The following TRIP12 variants were observed in gnomAD, a reference collection of about 807,000 sequenced individuals.
The protein encoded by TRIP12 is thyroid hormone receptor interactor 12.
A neutral mutation model predicts 244.2 loss-of-function variants in TRIP12; 25 were observed. The observed-to-expected ratio is 0.10, with a 90% confidence interval of 0.07 to 0.14. The LOEUF (loss-of-function observed/expected upper bound fraction) is 0.14. Among genes scored for constraint, TRIP12 ranks in the 10% least tolerant of loss-of-function variants. The pLI, the probability that TRIP12 is intolerant of heterozygous loss-of-function variation, is 1.00. For missense variants in TRIP12, 1,677 were observed against 2,486.4 expected (o/e 0.67, Z 6.92); for synonymous variants, 905 against 873.1 (o/e 1.04, Z -0.64).
intron 2 of TRIP12, among the ~76,000 whole-genome samples, chr2:229,872,598 G>A (rs2062863027): frequency 6.6e-6 from 1 of 152,010 alleles, no homozygotes; most frequent in Non-Finnish European, 1.5e-5. Context: ...CTATGAAACA[G>A]TTAATGAAGA....
At chr2:229,898,703 T>A (rs1262255200) in intron 1 of TRIP12, among the ~76,000 whole-genome samples, 4 of 152,360 alleles carry the variant, frequency 2.6e-5, no homozygotes, top group Non-Finnish European at 4.4e-5. Flanking sequence ...TGTTTAAATT[T>A]TTTTTTAAAG....
intron 5 of TRIP12, 79 bp downstream of exon 5, chr2:229,840,743 A>G: frequency 2.1e-6 from 2 of 969,192 alleles, no homozygotes; most frequent in South Asian, 1.7e-5. Context: ...CAACCTATGG[A>G]GTTAAGTATT....
At chr2:229,880,226 A>G in intron 1 of TRIP12, 98 bp from the exon 2 acceptor site, 3 of 735,682 alleles carry the variant, frequency 4.1e-6, no homozygotes, top group Non-Finnish European at 6.6e-6. Flanking sequence ...ATTTTCTGCA[A>G]ACTATCTGAT....
Position 229,793,408 on chromosome 2 carries a change from C to T in TRIP12, c.3969-263G>A, listed in dbSNP as rs148687015. 398 of 244,490 alleles carry T rather than the reference C, an allele frequency of 1.6e-3. 1 individual carries two copies. The highest frequency in any genetic ancestry group is 7.9e-3 in the African/African-American group (357 of 45,042). The allele number at this position is 244,490 out of a possible 1,614,324, so 15.1% of individuals were successfully genotyped here. ...TTTGATCTCTGTCCCATCATAAATC[C>T]ATGGGAGCAGAAATACTTCACCCAT... On this transcript the variant is annotated intron_variant, in intron 26 of 41. Coordinates refer to ENST00000675903, the MANE Select transcript of TRIP12 (RefSeq NM_001348323.3).
chr2:229,777,187 T>C, intron 37 of TRIP12, 128 bp downstream of exon 37: 2 of 1,082,494 alleles, frequency 1.8e-6, no homozygotes, highest in East Asian at 2.6e-5. Flanking sequence ...GTTAGTACAA[T>C]AAAAGAATTA....
intron 16 of TRIP12, 54 bp from the exon 17 acceptor site, chr2:229,807,918 T>A: frequency 6.6e-7 from 1 of 1,519,442 alleles, no homozygotes; most frequent in Non-Finnish European, 8.9e-7. Context: ...TTAGTAAACG[T>A]TAGGTCTCTA....
intron 1 of TRIP12, among the ~76,000 whole-genome samples, chr2:229,906,035 T>C (rs867146726): frequency 6.6e-6 from 1 of 152,242 alleles, no homozygotes; most frequent in African/African-American, 2.4e-5. Flanking sequence ...CCAGGCGCAG[T>C]GGCTCACGCC....
At chr2:229,909,129 C>T (rs1275156369) in intron 1 of TRIP12, among the ~76,000 whole-genome samples, 1 of 150,266 alleles carries the variant, frequency 6.7e-6, no homozygotes, top group Non-Finnish European at 1.5e-5. Flanking sequence ...TTAGTTTTGT[C>T]CAAGTTTACC....
At chr2:229,794,395 C>T (rs924357783) in intron 26 of TRIP12, among the ~76,000 whole-genome samples, 4 of 151,874 alleles carry the variant, frequency 2.6e-5, no homozygotes, top group South Asian at 2.1e-4. Flanking sequence ...AGTGAGACCC[C>T]GTCTCTACAA....
chr2:229,791,017 C>A (rs722268), intron 30 of TRIP12, 107 bp downstream of exon 30: 1 of 1,395,652 alleles, frequency 7.2e-7, no homozygotes, highest in Non-Finnish European at 9.9e-7. Context: ...TATTTCTCAA[C>A]TATATTCAAA....
chr2:229,818,711 T>C (rs1448686881), intron 8 of TRIP12, among the ~76,000 whole-genome samples, 199 bp from the exon 9 acceptor site: 1 of 152,194 alleles, frequency 6.6e-6, no homozygotes, highest in African/African-American at 2.4e-5. Flanking sequence ...CTTAACATGC[T>C]TTCACAGTTA....
chr2:229,804,868 CTT>C (rs1199109076), intron 18 of TRIP12, among the ~76,000 whole-genome samples: 2 of 151,858 alleles, frequency 1.3e-5, no homozygotes, highest in African/African-American at 2.4e-5. Flanking sequence ...ACCTGCAACA[CTT>C]ATATTATTTA....
intron 17 of TRIP12, chr2:229,807,417 C>T (rs1269404215): frequency 9.5e-5 from 36 of 380,944 alleles, no homozygotes; most frequent in South Asian, 9.1e-4. Context: ...TAGAAACCTA[C>T]GGCCTAAGTC....
At chr2:229,843,105 CCT>C (rs2056862185) in intron 4 of TRIP12, among the ~76,000 whole-genome samples, 2 of 142,866 alleles carry the variant, frequency 1.4e-5, no homozygotes, top group African/African-American at 5.2e-5. Context: ...TCTCTCCCTC[CCT>C]CTCTCCCCAC....
chr2:229,830,990 C>A, intron 6 of TRIP12, 151 bp from the exon 7 acceptor site: 1 of 691,004 alleles, frequency 1.4e-6, no homozygotes. Flanking sequence ...TTCTTCTAGA[C>A]TTTATCCTGT....
At position 229,795,098 on chromosome 2, in the gene TRIP12, C is replaced by G. The variant is rs554043509; in HGVS notation, c.3968+81G>C. On this transcript the variant is annotated intron_variant, in intron 26 of 41. Coordinates refer to ENST00000675903, the MANE Select transcript of TRIP12 (RefSeq NM_001348323.3). ...GTTTTCTGGGCCAATCAAGACTTTA[C>G]CAGACCTCTTGCCATCTTACTTCAG... 5.9e-5 allele frequency: 89 copies of G among 1,515,164 alleles called. No individual in the cohort carries two copies. In the East Asian group the frequency reaches 2.0e-3, roughly 35 times the overall value. The allele number at this position is 1,515,164 out of a possible 1,614,324, so 93.9% of individuals were successfully genotyped here.
At chr2:229,784,785 T>C (rs918366248) in intron 34 of TRIP12, among the ~76,000 whole-genome samples, 2 of 152,226 alleles carry the variant, frequency 1.3e-5, no homozygotes, top group Admixed American at 6.5e-5. Context: ...GTTGTGAGTA[T>C]GAGAAGCAAT....
chr2:229,817,261 A>G lies in TRIP12; in HGVS notation c.1599+1103T>C, dbSNP rs147301029. On this transcript the variant is annotated intron_variant, in intron 9 of 41. Transcript: ENST00000675903. ...TACTGGATATACAAAAAAGATTTAC[A>G]TGGCATTTAACTGTAATTTCCAAAA... 2.1e-3 allele frequency among the ~76,000 whole-genome samples: 327 copies of G among 152,372 alleles called. 3 individuals carry two copies. The highest frequency in any genetic ancestry group is 7.4e-3 in the African/African-American group (309 of 41,584).
chr2:229,780,633 AG>A (rs138552819), intron 34 of TRIP12, among the ~76,000 whole-genome samples: 1,644 of 152,268 alleles, frequency 0.011, 13 homozygotes, highest in Admixed American at 0.023. Context: ...CCAACAGGCT[AG>A]GAACACTGCT....
Sources: allele counts gnomAD v4.1 joint callset (sites outside exome capture counted in the v4.1 genomes callset), GRCh38; gene constraint gnomAD v4.1.1; transcripts MANE v1.5; gene names NCBI Gene and HGNC (gene_info 2026-07-23, HGNC 2026-07-21).